Variants in FNIP2 observed in about 807,000 individuals in gnomAD.
FNIP2 encodes folliculin interacting protein 2.
A neutral mutation model predicts 108.7 loss-of-function variants in FNIP2; 32 were observed. That is an observed-to-expected ratio of 0.29 (90% CI 0.22 to 0.40). FNIP2 has a LOEUF of 0.40. FNIP2 is among the 10% of genes least tolerant of loss of function. The pLI, the probability that FNIP2 is intolerant of heterozygous loss-of-function variation, is 1.00. For synonymous variants in FNIP2, 480 were observed against 496.7 expected (o/e 0.97, Z 0.45); for missense variants, 1,202 against 1,381.6 (o/e 0.87, Z 2.06).
chr4:158,801,279 G>A (rs1578836852), intron 1 of FNIP2, among the ~76,000 whole-genome samples: 1 of 152,114 alleles, frequency 6.6e-6, no homozygotes, highest in African/African-American at 2.4e-5. Context: ...ATGGCAAGGT[G>A]TCCGACAAGA....
At chr4:158,879,488 C>G (rs901841553) in intron 14 of FNIP2, among the ~76,000 whole-genome samples, 3 of 150,246 alleles carry the variant, frequency 2.0e-5, no homozygotes, top group Non-Finnish European at 4.4e-5. Flanking sequence ...ACTGAAGCCC[C>G]TTTCGCTGAT....
In FNIP2 at chr4:158,876,507, C is replaced by T. The variant is rs544011147; in HGVS notation, c.2949+6038C>T. Among the ~76,000 whole-genome samples, 65 of 152,294 alleles carry T rather than the reference C, an allele frequency of 4.3e-4. 1 individual carries two copies. The highest frequency in any genetic ancestry group is 1.5e-3 in the African/African-American group (63 of 41,556). ...TGCCTATCAGATTATGCTTTCTTTG[C>T]CTAGGACACTATTGAACAAACTTTT... On this transcript the variant is annotated intron_variant, in intron 14 of 16. Transcript: ENST00000264433.
At chr4:158,780,646 A>T (rs1776011846) in intron 1 of FNIP2, among the ~76,000 whole-genome samples, 1 of 152,228 alleles carries the variant, frequency 6.6e-6, no homozygotes, top group South Asian at 2.1e-4. Flanking sequence ...GTCAGCTCTT[A>T]TTAATATATG....
At chr4:158,807,737 A>G (rs1394528119) in intron 1 of FNIP2, among the ~76,000 whole-genome samples, 3 of 152,234 alleles carry the variant, frequency 2.0e-5, no homozygotes, top group Non-Finnish European at 4.4e-5. Flanking sequence ...AAGAAACTTA[A>G]TAAAATGGGA....
At chr4:158,793,926 C>T (rs1328125848) in intron 1 of FNIP2, among the ~76,000 whole-genome samples, 1 of 152,178 alleles carries the variant, frequency 6.6e-6, no homozygotes, top group African/African-American at 2.4e-5. Context: ...TTGTCTAGAA[C>T]TACGCTGCCC....
At chr4:158,817,029 C>G (rs1219332443) in intron 1 of FNIP2, among the ~76,000 whole-genome samples, 1 of 152,084 alleles carries the variant, frequency 6.6e-6, no homozygotes, top group Non-Finnish European at 1.5e-5. Flanking sequence ...GTCAGAATCT[C>G]ACTATATTGC....
At chr4:158,819,093 C>T (rs965029515) in intron 1 of FNIP2, among the ~76,000 whole-genome samples, 6 of 152,196 alleles carry the variant, frequency 3.9e-5, no homozygotes, top group African/African-American at 1.4e-4. Context: ...TTTCCCTTCC[C>T]AGTTGTAAGC....
intron 12 of FNIP2, 117 bp downstream of exon 12, chr4:158,861,893 G>T (rs1357304126): frequency 8.1e-7 from 1 of 1,230,364 alleles, no homozygotes; most frequent in Non-Finnish European, 1.1e-6. Context: ...TCTTTGGGCA[G>T]ATGAGGAATA....
chr4:158,772,036 C>G (rs1440038637), intron 1 of FNIP2, among the ~76,000 whole-genome samples: 1 of 152,166 alleles, frequency 6.6e-6, no homozygotes, highest in Non-Finnish European at 1.5e-5. Flanking sequence ...ACAGGATCAT[C>G]ATAGTCAAGA....
At chr4:158,798,621 A>C (rs984546874) in intron 1 of FNIP2, among the ~76,000 whole-genome samples, 9 of 152,252 alleles carry the variant, frequency 5.9e-5, no homozygotes, top group African/African-American at 2.2e-4. Context: ...AGGGTCTGGC[A>C]CATGAAATAT....
chr4:158,880,919 G>C (rs534579670), intron 14 of FNIP2, among the ~76,000 whole-genome samples: 1 of 152,266 alleles, frequency 6.6e-6, no homozygotes, highest in South Asian at 2.1e-4. Context: ...GGACCTTTAA[G>C]AGTAGTGCTG....
Position 158,868,728 on chromosome 4 carries a change from T to C in FNIP2, c.2092T>C (p.Ser698Pro). ...GATGCCTACAAGACTGCCAGACCGGTCAGTGGCCTGGCCTTGCCCTGACAG... is the reference window on the plus strand; with the variant it reads ...GATGCCTACAAGACTGCCAGACCGGCCAGTGGCCTGGCCTTGCCCTGACAG... ...VEMPTRLPDR[S>P]VAWPCPDRHL... The change falls in exon 13 of 17, where the codon TCA becomes CCA. Residue 698 changes from serine (S) to proline (P), a missense_variant. By Grantham distance (74) the Ser-to-Pro change is moderately conservative. Around this residue, in one of 5 missense-constraint regions of FNIP2, gnomAD observed 878 missense variants for 990.3 expected, o/e 0.89. Coordinates refer to ENST00000264433, the MANE Select transcript of FNIP2 (RefSeq NM_020840.3). The surrounding 1 kb of genome is among the most constrained non-coding windows in gnomAD (Gnocchi z 4.6). 6.2e-7 allele frequency: 1 copy of C among 1,613,948 alleles called. No individual in the cohort carries two copies. Among genetic ancestry groups the C allele is most frequent in the Non-Finnish European group, 8.5e-7 (1 of 1,179,880 alleles).
intron 7 of FNIP2, among the ~76,000 whole-genome samples, chr4:158,838,891 T>C (rs1447183517): frequency 6.6e-6 from 1 of 152,180 alleles, no homozygotes; most frequent in Non-Finnish European, 1.5e-5. Context: ...TCTTGAGGAG[T>C]ACTGGTTAGG....
At chr4:158,901,999 A>G (rs1729335708) in intron 16 of FNIP2, among the ~76,000 whole-genome samples, 1 of 151,918 alleles carries the variant, frequency 6.6e-6, no homozygotes, top group African/African-American at 2.4e-5. Context: ...CAATTCATCA[A>G]ACTCAATTCT....
chr4:158,854,269 G>A (rs1380731880), intron 8 of FNIP2, among the ~76,000 whole-genome samples: 3 of 152,182 alleles, frequency 2.0e-5, no homozygotes, highest in South Asian at 2.1e-4. Flanking sequence ...GACAGGCTCC[G>A]GTGACTGATG....
chr4:158,829,325 A>G, intron 3 of FNIP2, 100 bp downstream of exon 3: 1 of 1,060,104 alleles, frequency 9.4e-7, no homozygotes, highest in South Asian at 1.8e-5. Flanking sequence ...CTACTCCAGG[A>G]ATATGAGGAC....
rs369763948 is a variant in FNIP2 at position 158,868,331 on chromosome 4, T to C, written c.1695T>C (p.Ser565=). The part of the protein sequence containing the change: ...TALEKGEVEE[S]EYVVITVRNE... ...TGGAGAAAGGAGAGGTGGAGGAGTC[T>C]GAGTATGTGGTCATTACGGTGAGGA... The change falls in exon 13 of 17, where the codon TCT becomes TCC. Residue 565 remains serine (S), a synonymous_variant. Coordinates refer to ENST00000264433, the MANE Select transcript of FNIP2 (RefSeq NM_020840.3). The surrounding 1 kb of genome is among the most constrained non-coding windows in gnomAD (Gnocchi z 4.6). The C allele has an allele frequency of 2.5e-5, 41 of 1,613,910 alleles. No homozygotes were observed. The African/African-American group carries it at 5.1e-4, about 20-fold the overall frequency.
chr4:158,895,523 A>G (rs1052292391), intron 15 of FNIP2, among the ~76,000 whole-genome samples: 26 of 152,262 alleles, frequency 1.7e-4, no homozygotes, highest in Non-Finnish European at 3.4e-4. Flanking sequence ...CTAGAATAAT[A>G]CATATGTAAA....
At chr4:158,784,479 T>A (rs1436953125) in intron 1 of FNIP2, among the ~76,000 whole-genome samples, 2 of 152,226 alleles carry the variant, frequency 1.3e-5, no homozygotes, top group Admixed American at 1.3e-4. Flanking sequence ...TTGTGTACTT[T>A]ATTTCTATTA....
Sources: gnomAD v4.1 joint callset for allele counts (sites outside exome capture counted in the v4.1 genomes callset) on GRCh38, gnomAD v4.1.1 for gene constraint, gnomAD v4.1.1 regional missense constraint, Gnocchi (gnomAD v3.1) non-coding constraint, MANE v1.5 for transcripts, NCBI Gene and HGNC (gene_info 2026-07-23, HGNC 2026-07-21) for gene names.